ZNF516: variants seen among roughly 807,000 people sequenced by gnomAD.
The protein encoded by ZNF516 is zinc finger protein 516.
A neutral mutation model predicts 79.7 loss-of-function variants in ZNF516; 19 were observed. The ratio of observed to expected loss-of-function variants is 0.24; its 90% CI spans 0.17 to 0.35. The LOEUF (loss-of-function observed/expected upper bound fraction) is 0.35, where lower values mean the gene tolerates loss of function less well. ZNF516 is among the 10% of genes least tolerant of loss of function. ZNF516 has a pLI of 1.00. For missense variants in ZNF516, 1,678 were observed against 1,679.5 expected, an observed-to-expected ratio of 1.00 and a Z score of 0.02; for synonymous variants, 877 against 739.5, an observed-to-expected ratio of 1.19 and a Z score of -3.02.
At chr18:76,472,886 T>C (rs950543491) in intron 1 of ZNF516, among the ~76,000 whole-genome samples, 3 of 152,164 alleles carry the variant, frequency 2.0e-5, no homozygotes, top group Non-Finnish European at 4.4e-5. Flanking sequence ...ATAAAAACTA[T>C]GTCATGTAAA....
chr18:76,496,213 AC>A, upstream of ZNF516: 1 of 1,222,624 alleles, frequency 8.2e-7, no homozygotes, highest in Non-Finnish European at 1.1e-6. Context: ...GCGCCCCTTC[AC>A]GGCCGGTGAC....
At position 76,360,344 on chromosome 18, in the gene ZNF516, A is replaced by T. The variant is rs2074512307; in HGVS notation, c.*2154T>A. The stretch of plus-strand genomic sequence containing the variant: ...AACAGGACTGGGTCACTAGTCCCTG[A>T]CATTCCTAACAGTCACCATTCACTT... On this transcript the variant is annotated 3_prime_UTR_variant, in exon 7 of 7. Transcript: ENST00000443185. 6.6e-6 allele frequency: 1 copy of T among 152,220 alleles called. No individual in the cohort carries two copies. Among genetic ancestry groups the T allele is most frequent in the East Asian group, 1.9e-4 (1 of 5,200 alleles). 9.4% of individuals were successfully genotyped at this position (152,220 alleles called of 1,614,324 possible).
chr18:76,380,959 C>T (rs752685724), intron 3 of ZNF516, among the ~76,000 whole-genome samples: 2 of 152,224 alleles, frequency 1.3e-5, no homozygotes, highest in African/African-American at 2.4e-5. Context: ...AAGGCAGCCA[C>T]GCTATCCACC....
intron 1 of ZNF516, among the ~76,000 whole-genome samples, chr18:76,487,741 A>T (rs1038613400): frequency 6.8e-6 from 1 of 147,982 alleles, no homozygotes; most frequent in Admixed American, 6.9e-5. Context: ...TCTATCAAAG[A>T]GAATGTCCTG....
chr18:76,417,525 G>A (rs1255760261), intron 3 of ZNF516, among the ~76,000 whole-genome samples: 4 of 152,166 alleles, frequency 2.6e-5, no homozygotes, highest in East Asian at 1.9e-4. Context: ...ATCCAAGCAC[G>A]GATTTTTACC....
At chr18:76,495,762 G>A, upstream of ZNF516, 1 of 1,157,168 alleles carries the variant, frequency 8.6e-7, no homozygotes, top group South Asian at 1.6e-5. Context: ...GGACTGAAAT[G>A]GGGACACCCC....
intron 3 of ZNF516, among the ~76,000 whole-genome samples, chr18:76,440,736 G>GTGTT (rs1555711248): frequency 1.5e-3 from 102 of 69,194 alleles, no homozygotes; most frequent in Non-Finnish European, 2.5e-3. Context: ...GTGTGTGTGT[G>GTGTT]TGTGTTTGTG....
At chr18:76,476,626 T>C (rs995273485) in intron 1 of ZNF516, among the ~76,000 whole-genome samples, 2 of 152,250 alleles carry the variant, frequency 1.3e-5, no homozygotes, top group African/African-American at 4.8e-5. Flanking sequence ...CAAATGAATA[T>C]GAAAGAAATT....
intron 2 of ZNF516, among the ~76,000 whole-genome samples, chr18:76,455,915 C>T (rs956630566): frequency 1.1e-4 from 17 of 152,182 alleles, no homozygotes; most frequent in African/African-American, 3.9e-4. Context: ...TCTAAATGAG[C>T]TGCTATTCCA....
Position 76,384,086 on chromosome 18 carries a change from C to T in ZNF516, c.1811-3783G>A, listed in dbSNP as rs936535789. Among the ~76,000 whole-genome samples, 19 of 152,326 alleles carry T rather than the reference C, an allele frequency of 1.2e-4. No homozygotes were observed. In the South Asian group the frequency reaches 2.3e-3, roughly 18 times the overall value. On this transcript the variant is annotated intron_variant, in intron 3 of 6. Coordinates refer to ENST00000443185, the MANE Select transcript of ZNF516 (RefSeq NM_014643.4). Reference sequence around the variant, plus strand: ...TCCACTGTTCTCAGGTTCCTGAGTGCCATTCTGACTTTTTCATTTATCCCT... The same window carrying T: ...TCCACTGTTCTCAGGTTCCTGAGTGTCATTCTGACTTTTTCATTTATCCCT...
At chr18:76,411,036 G>A (rs1568269654) in intron 3 of ZNF516, among the ~76,000 whole-genome samples, 1 of 152,194 alleles carries the variant, frequency 6.6e-6, no homozygotes, top group African/African-American at 2.4e-5. Context: ...ACACAGCTTT[G>A]CTGCTATGAA....
At chr18:76,482,030 T>G (rs1311077495) in intron 1 of ZNF516, among the ~76,000 whole-genome samples, 1 of 152,196 alleles carries the variant, frequency 6.6e-6, no homozygotes, top group East Asian at 1.9e-4. Flanking sequence ...ACTGTCTATG[T>G]AAGAATATAC....
chr18:76,409,432 C>T (rs986525488), intron 3 of ZNF516, among the ~76,000 whole-genome samples: 1 of 151,754 alleles, frequency 6.6e-6, no homozygotes, highest in Non-Finnish European at 1.5e-5. Context: ...ACTAATTTGC[C>T]AATGGAAATT....
intron 2 of ZNF516, among the ~76,000 whole-genome samples, chr18:76,455,518 C>G (rs1912667492): frequency 6.6e-6 from 1 of 152,232 alleles, no homozygotes; most frequent in African/African-American, 2.4e-5. Context: ...CCCACCTAGG[C>G]CTCCCTGCTC....
chr18:76,378,114 T>C (rs1329009796), intron 4 of ZNF516: 1 of 152,210 alleles, frequency 6.6e-6, no homozygotes, highest in East Asian at 1.9e-4. Context: ...TAGGTTTGTG[T>C]TCTGGACGTT....
chr18:76,450,566 C>T (rs1054051689), intron 2 of ZNF516, among the ~76,000 whole-genome samples: 4 of 152,298 alleles, frequency 2.6e-5, no homozygotes, highest in African/African-American at 4.8e-5. Flanking sequence ...AACCCACCCA[C>T]GGGCTCCAGT....
At chr18:76,486,089 A>G (rs181331460) in intron 1 of ZNF516, among the ~76,000 whole-genome samples, 72 of 152,244 alleles carry the variant, frequency 4.7e-4, no homozygotes, top group African/African-American at 1.7e-3. Flanking sequence ...ATTAACAGTC[A>G]CTCAGCATTG....
At chr18:76,413,876 C>G (rs2075401108) in intron 3 of ZNF516, among the ~76,000 whole-genome samples, 1 of 152,174 alleles carries the variant, frequency 6.6e-6, no homozygotes, top group Non-Finnish European at 1.5e-5. Flanking sequence ...GTATTCAAGA[C>G]TAGTGAACAT....
chr18:76,475,897 A>G (rs761055006), intron 1 of ZNF516, among the ~76,000 whole-genome samples: 1 of 152,258 alleles, frequency 6.6e-6, no homozygotes, highest in Non-Finnish European at 1.5e-5. Flanking sequence ...ACATTCACCA[A>G]GCGAATGTAT....
Sources: gnomAD v4.1 joint callset for allele counts (sites outside exome capture counted in the v4.1 genomes callset) on GRCh38, gnomAD v4.1.1 for gene constraint, MANE v1.5 for transcripts, NCBI Gene and HGNC (gene_info 2026-07-23, HGNC 2026-07-21) for gene names.